KAT6B: variants seen among roughly 807,000 people sequenced by gnomAD.
The protein encoded by KAT6B is lysine acetyltransferase 6B, also known as histone acetyltransferase KAT6B.
In KAT6B, 10 loss-of-function variants were observed where a neutral mutation model predicts 187.5. That is an observed-to-expected ratio of 0.05 (90% CI 0.03 to 0.09). The LOEUF is 0.09. KAT6B is among the 10% of genes least tolerant of loss of function. The pLI is 1.00. For synonymous variants in KAT6B, 861 were observed against 926.8 expected (o/e 0.93, Z 1.29); for missense variants, 1,952 against 2,558.9 (o/e 0.76, Z 5.12).
At chr10:75,003,394 G>A (rs1843990504) in intron 13 of KAT6B, among the ~76,000 whole-genome samples, 1 of 152,202 alleles carries the variant, frequency 6.6e-6, no homozygotes, top group African/African-American at 2.4e-5. Context: ...CTGGGTGAGT[G>A]CAGTCAAGGC....
In KAT6B at chr10:74,826,672, TGGCGGCGGCGGC is replaced by T. The variant is rs1352177540; in HGVS notation, c.-441_-430del. 1.3e-5 allele frequency: 2 copies of T among 153,570 alleles called. No individual in the cohort carries two copies. The highest frequency in any genetic ancestry group is 2.9e-5 in the Non-Finnish European group (2 of 68,280). The allele number at this position is 153,570 out of a possible 1,614,324, so 9.5% of individuals were successfully genotyped here. On this transcript the variant is annotated 5_prime_UTR_variant, in exon 1 of 18. The change creates a premature stop within an existing upstream ORF in the 5' untranslated region. Coordinates refer to ENST00000287239, the MANE Select transcript of KAT6B (RefSeq NM_012330.4). ...ATGGCGGCGGCTTAGCTCCTACCCC[TGGCGGCGGCGGC>T]AGCGGTGGCGGAGGCGACGGCACCT...
chr10:74,862,682 G>T (rs1256794347), intron 3 of KAT6B, among the ~76,000 whole-genome samples: 8 of 152,170 alleles, frequency 5.3e-5, no homozygotes, highest in Non-Finnish European at 2.9e-5. Flanking sequence ...AAGGAGTCTT[G>T]TGGGGAAGTG....
chr10:74,967,083 T>C (rs1185233807), intron 4 of KAT6B, among the ~76,000 whole-genome samples: 1 of 151,404 alleles, frequency 6.6e-6, no homozygotes, highest in Non-Finnish European at 1.5e-5. Flanking sequence ...TCCCAGCACT[T>C]TGGGAGGCTG....
chr10:75,007,007 G>T (rs1381646372), intron 13 of KAT6B, among the ~76,000 whole-genome samples: 1 of 150,944 alleles, frequency 6.6e-6, no homozygotes, highest in Non-Finnish European at 1.5e-5. Context: ...GGCGGAGGTT[G>T]CAGTGAGCTG....
At position 74,976,005 on chromosome 10, in the gene KAT6B, GTC is replaced by G; in HGVS notation, c.1671_1672del (p.Arg558GlnfsTer16). 1 of 1,614,130 alleles carries G rather than the reference GTC, an allele frequency of 6.2e-7. No individual in the cohort carries two copies. The highest frequency in any genetic ancestry group is 1.1e-5 in the South Asian group (1 of 91,076). On this transcript the variant is annotated frameshift_variant, in exon 8 of 18. Transcript: ENST00000287239. LOFTEE classifies it high-confidence loss of function. ...CTCATATCTATACCACTCAGGGACA[GTC>G]TCGCAAAAAGGGACACCCGAGTTAT... The part of the protein sequence containing the change: ...LSHIYTTQGQ[S>X]RKKGHPSYAP...
chr10:75,006,462 A>T (rs1844208809), intron 13 of KAT6B, among the ~76,000 whole-genome samples: 3 of 152,090 alleles, frequency 2.0e-5, no homozygotes, highest in African/African-American at 7.2e-5. Context: ...ATTTTTAAAA[A>T]TTTTTTGAGA....
rs1846228575 is a variant in KAT6B, at chr10:75,030,469, C to G, written c.5645C>G (p.Pro1882Arg). 6.2e-7 allele frequency: 1 copy of G among 1,613,256 alleles called. No homozygotes were observed. Among genetic ancestry groups the G allele is most frequent in the Admixed American group, 1.7e-5 (1 of 60,000 alleles). Residue 1882 changes from proline to arginine, a missense_variant, in exon 18 of 18, where the codon CCC becomes CGC. By Grantham distance (103) the Pro-to-Arg change is moderately radical. This residue lies in a region of KAT6B where 358 missense variants were observed against 436.3 expected (regional missense o/e 0.82). Transcript: ENST00000287239. This position sits in a 1 kb window ranked among gnomAD's most constrained non-coding sequence, Gnocchi z 4.8. The stretch of plus-strand genomic sequence containing the variant: ...GCACAAGCTACCATGACCCCACCCC[C>G]CAACCTGACTCCTCCTCCAATGAAT... ...PQAQATMTPP[P>R]NLTPPPMNLP...
At chr10:74,836,669 T>C (rs148465427) in intron 1 of KAT6B, among the ~76,000 whole-genome samples, 161 of 152,332 alleles carry the variant, frequency 1.1e-3, no homozygotes, top group African/African-American at 3.3e-3. Context: ...AACAGATATT[T>C]GTTAACCAAG....
intron 1 of KAT6B, among the ~76,000 whole-genome samples, chr10:74,835,236 G>A (rs962129361): frequency 3.9e-5 from 6 of 152,182 alleles, no homozygotes; most frequent in African/African-American, 1.4e-4. Flanking sequence ...GCAGAGGGAC[G>A]GTGGGGCACT....
At chr10:74,875,344 A>T (rs1844335683) in intron 3 of KAT6B, among the ~76,000 whole-genome samples, 1 of 152,186 alleles carries the variant, frequency 6.6e-6, no homozygotes, top group Non-Finnish European at 1.5e-5. Flanking sequence ...AGTTTTGTTT[A>T]GCTAGTTCTT....
At chr10:74,850,097 C>T (rs1434242624) in intron 3 of KAT6B, among the ~76,000 whole-genome samples, 1 of 152,132 alleles carries the variant, frequency 6.6e-6, no homozygotes, top group African/African-American at 2.4e-5. Flanking sequence ...CACCACCACG[C>T]CCGGCTAATT....
At chr10:74,840,273 G>C (rs1484006592) in intron 2 of KAT6B, among the ~76,000 whole-genome samples, 1 of 152,174 alleles carries the variant, frequency 6.6e-6, no homozygotes, top group Admixed American at 6.5e-5. Flanking sequence ...AAGAGAAAGT[G>C]GTGCTTTGAA....
At chr10:74,910,351 G>T (rs187605674) in intron 3 of KAT6B, among the ~76,000 whole-genome samples, 2 of 152,096 alleles carry the variant, frequency 1.3e-5, no homozygotes, top group African/African-American at 2.4e-5. Context: ...GGCATGAAAA[G>T]AATTTTTTCT....
chr10:74,906,511 C>T (rs574588323), intron 3 of KAT6B, among the ~76,000 whole-genome samples: 7 of 152,078 alleles, frequency 4.6e-5, no homozygotes, highest in Non-Finnish European at 8.8e-5. Context: ...GGTTGGTTCT[C>T]TCTGTAGTAA....
chr10:74,834,152 T>C (rs1186153207), intron 1 of KAT6B, among the ~76,000 whole-genome samples: 1 of 152,112 alleles, frequency 6.6e-6, no homozygotes, highest in Non-Finnish European at 1.5e-5. Context: ...TATTCATCTG[T>C]CACGTTCACA....
intron 1 of KAT6B, among the ~76,000 whole-genome samples, chr10:74,830,408 A>G (rs1210675524): frequency 6.6e-6 from 1 of 152,072 alleles, no homozygotes; most frequent in Admixed American, 6.6e-5. Context: ...CCTAGGAATG[A>G]AATTGCCGGT....
At chr10:74,897,155 T>G (rs1252658791) in intron 3 of KAT6B, among the ~76,000 whole-genome samples, 4 of 152,202 alleles carry the variant, frequency 2.6e-5, no homozygotes, top group Non-Finnish European at 4.4e-5. Flanking sequence ...TGTTTAAATT[T>G]AATGGTTTAA....
rs1176868521 is a variant in KAT6B at position 74,985,084 on chromosome 10, A to T, written c.2378A>T (p.Asp793Val). Residue 793 changes from aspartate to valine, a missense_variant, in exon 12 of 18, where the codon GAT becomes GTT. This residue lies in a region of KAT6B where 87 missense variants were observed against 191.8 expected (regional missense o/e 0.45). Coordinates refer to ENST00000287239, the MANE Select transcript of KAT6B (RefSeq NM_012330.4). ...RRKDLSVFEV[D>V]GNMSKIYCQN... ...TTGTCTGTTTCTTTTTGCTAGGTTGATGGGAATATGAGCAAAATTTATTGC... is the reference window on the plus strand; with the variant it reads ...TTGTCTGTTTCTTTTTGCTAGGTTGTTGGGAATATGAGCAAAATTTATTGC... The T allele has an allele frequency of 1.2e-6, 2 of 1,613,748 alleles. No homozygotes were observed. Among genetic ancestry groups the T allele is most frequent in the Non-Finnish European group, 1.7e-6 (2 of 1,179,830 alleles).
At chr10:75,002,011 C>T (rs938160847) in intron 13 of KAT6B, among the ~76,000 whole-genome samples, 2 of 152,128 alleles carry the variant, frequency 1.3e-5, no homozygotes, top group African/African-American at 2.4e-5. Context: ...GGTCTCTGGC[C>T]GTCTCTGCAC....
Sources: gnomAD v4.1 joint callset for allele counts (sites outside exome capture counted in the v4.1 genomes callset) on GRCh38, gnomAD v4.1.1 for gene constraint, gnomAD v4.1.1 regional missense constraint, Gnocchi (gnomAD v3.1) non-coding constraint, MANE v1.5 for transcripts, NCBI Gene and HGNC (gene_info 2026-07-23, HGNC 2026-07-21) for gene names.